NAT1: variants seen among roughly 807,000 people sequenced by gnomAD.
NAT1 encodes N-acetyltransferase 1.
For synonymous variants in NAT1, 144 were observed against 122.6 expected (o/e 1.17, Z -1.16); for missense variants, 400 against 339.2 (o/e 1.18, Z -1.41).
intron 2 of NAT1, among the ~76,000 whole-genome samples, chr8:18,197,190 GTCCC>G (rs1803270772): frequency 6.6e-6 from 1 of 152,118 alleles, no homozygotes; most frequent in Non-Finnish European, 1.5e-5. Context: ...CTCCTACCTG[GTCCC>G]TCCACTGACA....
intron 2 of NAT1, among the ~76,000 whole-genome samples, chr8:18,194,528 G>C (rs1803151168): frequency 6.6e-6 from 1 of 151,852 alleles, no homozygotes; most frequent in South Asian, 2.1e-4. Context: ...TTGAGCAGGA[G>C]ACTTAAGGTT....
intron 2 of NAT1, among the ~76,000 whole-genome samples, chr8:18,190,449 G>C (rs1802935349): frequency 1.3e-5 from 2 of 152,232 alleles, no homozygotes; most frequent in East Asian, 1.9e-4. Flanking sequence ...TCTTTGAACT[G>C]AATGAGAAGA....
At chr8:18,219,687 T>A (rs1805084180) in intron 2 of NAT1, among the ~76,000 whole-genome samples, 198 bp downstream of exon 2, 2 of 152,248 alleles carry the variant, frequency 1.3e-5, no homozygotes, top group East Asian at 3.8e-4. Flanking sequence ...CTTTCAGCAT[T>A]CCACCTTGAA....
Position 18,197,607 on chromosome 8 carries a change from C to T in NAT1, n.93-12174C>T, listed in dbSNP as rs543385428. ...GATTCAGAAACACTGGTATGTTCTA[C>T]ACTTTCATTAGGGTCCTGATGAAAC... On this transcript the variant is annotated intron_variant and non_coding_transcript_variant, in intron 2 of 4. Coordinates refer to the NAT1 transcript ENST00000517441. Among the ~76,000 whole-genome samples, 29 of 152,350 alleles carry T rather than the reference C, an allele frequency of 1.9e-4. No individual in the cohort carries two copies. In the South Asian group the frequency reaches 5.2e-3, roughly 27 times the overall value.
chr8:18,204,620 A>G (rs1289361967), intron 2 of NAT1, among the ~76,000 whole-genome samples: 1 of 152,226 alleles, frequency 6.6e-6, no homozygotes, highest in East Asian at 1.9e-4. Context: ...ACATCTTTCT[A>G]AAAATTTTGA....
chr8:18,187,884 C>A (rs1015129972), intron 2 of NAT1, among the ~76,000 whole-genome samples: 1 of 150,500 alleles, frequency 6.6e-6, no homozygotes, highest in Non-Finnish European at 1.5e-5. Flanking sequence ...GAAACTGCTA[C>A]TTTTAATCCA....
chr8:18,186,494 A>G (rs888423388), intron 2 of NAT1, among the ~76,000 whole-genome samples: 2 of 152,054 alleles, frequency 1.3e-5, no homozygotes, highest in South Asian at 2.1e-4. Flanking sequence ...CGCTACACAT[A>G]TGTAAGTAGC....
chr8:18,208,092 G>A (rs28741082), upstream of NAT1, among the ~76,000 whole-genome samples: 1,244 of 147,268 alleles, frequency 8.4e-3, 11 homozygotes, highest in Middle Eastern at 0.014. Context: ...AGGGAGGGGA[G>A]CAAGACACAC....
chr8:18,221,327 T>A (rs1295606450), intron 2 of NAT1, among the ~76,000 whole-genome samples: 3 of 146,232 alleles, frequency 2.1e-5, no homozygotes, highest in Admixed American at 2.0e-4. Context: ...TTTTTTTTTT[T>A]AAACCAACTA....
At chr8:18,187,936 A>ACACACACACACACACAC in intron 2 of NAT1, among the ~76,000 whole-genome samples, 1 of 137,394 alleles carries the variant, frequency 7.3e-6, no homozygotes, top group Non-Finnish European at 1.6e-5. Flanking sequence ...TTGTATCTTA[A>ACACACACACACACACAC]ACACACACAC....
chr8:18,173,725 T>C (rs1007615142), intron 2 of NAT1, among the ~76,000 whole-genome samples: 1 of 152,160 alleles, frequency 6.6e-6, no homozygotes, highest in Admixed American at 6.6e-5. Flanking sequence ...CATAGATTTG[T>C]TGTGATTATT....
At chr8:18,186,974 A>C (rs1030121690) in intron 2 of NAT1, among the ~76,000 whole-genome samples, 1 of 152,208 alleles carries the variant, frequency 6.6e-6, no homozygotes, top group Admixed American at 6.5e-5. Flanking sequence ...GAAATCTGGC[A>C]AAAAGTAAGC....
upstream of NAT1, chr8:18,209,870 G>A (rs1445623161): frequency 6.6e-6 from 1 of 152,174 alleles, no homozygotes; most frequent in African/African-American, 2.4e-5. Context: ...CCAGAGAGCA[G>A]GAACCAGGTG....
chr8:18,209,297 C>T (rs28359475), upstream of NAT1, among the ~76,000 whole-genome samples: 6 of 152,238 alleles, frequency 3.9e-5, no homozygotes, highest in Non-Finnish European at 8.8e-5. Flanking sequence ...CAGTAGGTGC[C>T]GAAGGCACAG....
At chr8:18,214,606 G>A (rs1804443548) in intron 1 of NAT1, among the ~76,000 whole-genome samples, 1 of 151,740 alleles carries the variant, frequency 6.6e-6, no homozygotes, top group African/African-American at 2.4e-5. Context: ...CAAACATGTT[G>A]TATCGAACTT....
chr8:18,219,495 A>C lies in NAT1; in HGVS notation c.-7+6A>C. 1 of 1,528,246 alleles carries C rather than the reference A, an allele frequency of 6.5e-7. No homozygotes were observed. Among genetic ancestry groups the C allele is most frequent in the Non-Finnish European group, 8.9e-7 (1 of 1,128,134 alleles). 94.7% of individuals were successfully genotyped at this position (1,528,246 alleles called of 1,614,324 possible). A position where few individuals can be genotyped will look rare whatever the true frequency, so the allele number is the denominator to read the frequency against. On this transcript the variant is annotated splice_donor_region_variant and intron_variant, in intron 2 of 2. Coordinates refer to ENST00000307719, the MANE Select transcript of NAT1 (RefSeq NM_000662.8). ...CTTTCAACTTACTAAGAAAGGTATT[A>C]AGCGCCTTTCTGAGAGCTCTCAGTG...
At chr8:18,190,619 C>G (rs144987585) in intron 2 of NAT1, among the ~76,000 whole-genome samples, 48 of 152,192 alleles carry the variant, frequency 3.2e-4, no homozygotes, top group African/African-American at 1.2e-3. Flanking sequence ...CTCTCCAGGA[C>G]GTGGTGGTGA....
intron 2 of NAT1, among the ~76,000 whole-genome samples, chr8:18,176,520 T>A (rs10282952): frequency 0.35 from 52,609 of 151,654 alleles, 11,294 homozygotes; most frequent in African/African-American, 0.6. Context: ...CATAAACACT[T>A]CGGGTTATTT....
chr8:18,193,813 G>C (rs1417086031), intron 2 of NAT1, among the ~76,000 whole-genome samples: 1 of 151,506 alleles, frequency 6.6e-6, no homozygotes, highest in African/African-American at 2.4e-5. Context: ...GCTAATTTTT[G>C]TATTTTTAGT....
Sources: gnomAD v4.1 joint callset for allele counts (sites outside exome capture counted in the v4.1 genomes callset) on GRCh38, gnomAD v4.1.1 for gene constraint, MANE v1.5 for transcripts, NCBI Gene and HGNC (gene_info 2026-07-23, HGNC 2026-07-21) for gene names.